Variants in MYO10 observed in about 807,000 individuals in gnomAD.
MYO10 encodes unconventional myosin-X.
In MYO10, 133 loss-of-function variants were observed where a neutral mutation model predicts 257.3. The observed-to-expected ratio is 0.52, with a 90% CI of 0.45 to 0.60. The LOEUF (loss-of-function observed/expected upper bound fraction) is 0.60. Among genes scored for constraint, MYO10 ranks in the 20% least tolerant of loss-of-function variants. The pLI is 0.00. For synonymous variants in MYO10, 1,104 were observed against 1,028.6 expected (o/e 1.07, Z -1.40); for missense variants, 2,399 against 2,635.7 (o/e 0.91, Z 1.97).
intron 19 of MYO10, among the ~76,000 whole-genome samples, chr5:16,736,531 G>A (rs1000249478): frequency 1.3e-5 from 2 of 152,100 alleles, no homozygotes; most frequent in African/African-American, 2.4e-5. Flanking sequence ...ATGATGTCAC[G>A]ACCAGGTCCA....
chr5:16,759,929 T>C (rs989567602), intron 17 of MYO10, among the ~76,000 whole-genome samples: 6 of 152,192 alleles, frequency 3.9e-5, no homozygotes, highest in African/African-American at 1.4e-4. Flanking sequence ...GATACTACCT[T>C]ATATGGGCTC....
chr5:16,685,551 T>C (rs1737211047), intron 29 of MYO10, among the ~76,000 whole-genome samples, 187 bp downstream of exon 29: 1 of 152,136 alleles, frequency 6.6e-6, no homozygotes, highest in South Asian at 2.1e-4. Context: ...TTGTACCACT[T>C]ATTATATTTA....
chr5:16,819,295 C>T (rs1742731434), intron 2 of MYO10, among the ~76,000 whole-genome samples: 1 of 152,158 alleles, frequency 6.6e-6, no homozygotes, highest in South Asian at 2.1e-4. Flanking sequence ...TAAGGTGACT[C>T]TGGTACCGTC....
intron 19 of MYO10, among the ~76,000 whole-genome samples, chr5:16,747,715 G>C (rs1740237674): frequency 6.6e-6 from 1 of 152,058 alleles, no homozygotes; most frequent in Non-Finnish European, 1.5e-5. Context: ...TCAGGAGATT[G>C]AGACCAGTCT....
intron 2 of MYO10, among the ~76,000 whole-genome samples, chr5:16,836,438 T>G (rs970753150): frequency 6.6e-6 from 1 of 152,176 alleles, no homozygotes; most frequent in African/African-American, 2.4e-5. Context: ...TCCACCTCAT[T>G]TTCTACATTC....
chr5:16,905,827 T>TGA (rs1745504900), intron 1 of MYO10, among the ~76,000 whole-genome samples: 1 of 152,058 alleles, frequency 6.6e-6, no homozygotes, highest in Non-Finnish European at 1.5e-5. Context: ...ACATGAACAA[T>TGA]GTGTGTGTCA....
At chr5:16,687,335 TACAAAACGAA>T (rs1561181829) in intron 28 of MYO10, among the ~76,000 whole-genome samples, 1 of 150,200 alleles carries the variant, frequency 6.7e-6, no homozygotes, top group African/African-American at 2.5e-5. Context: ...AAAAAACAAA[TACAAAACGAA>T]ACAAAACATG....
intron 26 of MYO10, among the ~76,000 whole-genome samples, chr5:16,696,915 A>T (rs889056366): frequency 6.6e-6 from 1 of 152,126 alleles, no homozygotes. Context: ...GAGAATTTTC[A>T]AATTAACTTA....
chr5:16,846,841 C>T (rs763299084), intron 2 of MYO10, among the ~76,000 whole-genome samples: 133 of 152,310 alleles, frequency 8.7e-4, no homozygotes, highest in African/African-American at 2.5e-3. Context: ...TTTAAGGCCA[C>T]GTGCGGTGGC....
At chr5:16,792,182 C>G (rs200448566) in intron 4 of MYO10, among the ~76,000 whole-genome samples, 274 of 108,208 alleles carry the variant, frequency 2.5e-3, no homozygotes, top group African/African-American at 0.011. Context: ...CAGAGACAGA[C>G]AGAGACAGAG....
chr5:16,785,016 C>T (rs1283932275), intron 4 of MYO10, among the ~76,000 whole-genome samples: 43 of 151,882 alleles, frequency 2.8e-4, no homozygotes, highest in Admixed American at 2.8e-3. Context: ...CGCACACACA[C>T]GACACTGGGC....
intron 3 of MYO10, among the ~76,000 whole-genome samples, chr5:16,814,309 T>C (rs1347308840): frequency 6.6e-6 from 1 of 151,738 alleles, no homozygotes; most frequent in Admixed American, 6.6e-5. Flanking sequence ...ACCCGGCTAA[T>C]TTTTTTGTAC....
chr5:16,835,810 T>TTA (rs532334711), intron 2 of MYO10, among the ~76,000 whole-genome samples: 17 of 146,924 alleles, frequency 1.2e-4, no homozygotes, highest in Admixed American at 6.8e-4. Context: ...CAAAAGTCTT[T>TTA]AAAAAAAAAA....
intron 3 of MYO10, chr5:16,815,580 G>C: frequency 1.6e-6 from 1 of 634,982 alleles, no homozygotes; most frequent in South Asian, 1.8e-5. Flanking sequence ...ACAACTACCA[G>C]GTGCCTGGCA....
chr5:16,792,128 CACACAGAGAGAG>C (rs56343367), intron 4 of MYO10, among the ~76,000 whole-genome samples: 31,563 of 137,096 alleles, frequency 0.23, 3,829 homozygotes, highest in South Asian at 0.29. Flanking sequence ...CACACACACA[CACACAGAGAGAG>C]AGAGAGAGAG....
At chr5:16,779,709 T>C (rs1035848428) in intron 8 of MYO10, 61 bp from the exon 9 acceptor site, 98 of 939,490 alleles carry the variant, frequency 1.0e-4, no homozygotes, top group Non-Finnish European at 1.5e-4. Flanking sequence ...TTCAGAGTTT[T>C]CACTCTGACT....
In MYO10 at chr5:16,848,155, C is replaced by CTTTTTTTTTTTT. The variant is rs371042891; in HGVS notation, c.120+29442_120+29453dup. Reference sequence around the variant, plus strand: ...TGATTAAGCAAAGAACTACACATTTCTTTTTTTTTTTTTTTTTTGTGAGAG... The same window carrying CTTTTTTTTTTTT: ...TGATTAAGCAAAGAACTACACATTTCTTTTTTTTTTTTTTTTTTTTTTTTTTTTTTGTGAGAG... On this transcript the variant is annotated intron_variant, in intron 2 of 40. Transcript: ENST00000513610. 3.3e-3 allele frequency among the ~76,000 whole-genome samples: 378 copies of CTTTTTTTTTTTT among 113,470 alleles called. 2 individuals are homozygous for CTTTTTTTTTTTT. Among genetic ancestry groups the CTTTTTTTTTTTT allele is most frequent in the East Asian group, 0.01 (39 of 3,806 alleles). 74.4% of individuals were successfully genotyped at this position (113,470 alleles called of 152,430 possible).
chr5:16,694,244 G>A, intron 27 of MYO10, 127 bp downstream of exon 27: 1 of 1,422,050 alleles, frequency 7.0e-7, no homozygotes, highest in Non-Finnish European at 9.6e-7. Flanking sequence ...TTAACCTACT[G>A]AACTGAACTA....
chr5:16,864,523 C>T (rs17707882), intron 2 of MYO10, among the ~76,000 whole-genome samples: 7,563 of 152,186 alleles, frequency 0.05, 274 homozygotes, highest in South Asian at 0.17. Context: ...TATTTGCGTT[C>T]GTGCATTTAT....
Sources: gnomAD v4.1 joint callset for allele counts (sites outside exome capture counted in the v4.1 genomes callset) on GRCh38, gnomAD v4.1.1 for gene constraint, MANE v1.5 for transcripts, NCBI Gene and HGNC (gene_info 2026-07-23, HGNC 2026-07-21) for gene names.